The following KCTD1 variants were observed in gnomAD, a reference collection of about 807,000 sequenced individuals.
KCTD1 encodes potassium channel tetramerization domain containing 1.
Under a neutral mutation model 66.0 loss-of-function variants are expected in KCTD1, and 24 were observed. The observed-to-expected ratio is 0.36, with a 90% CI of 0.26 to 0.51. KCTD1 has a LOEUF of 0.51. Among genes scored for constraint, KCTD1 ranks in the 20% least tolerant of loss-of-function variants. KCTD1 has a pLI of 0.95. For missense variants in KCTD1, 943 were observed against 1,205.2 expected (o/e 0.78, Z 3.22); for synonymous variants, 511 against 517.2 (o/e 0.99, Z 0.16).
At chr18:26,523,757 G>A (rs896769758) in intron 1 of KCTD1, among the ~76,000 whole-genome samples, 1 of 152,240 alleles carries the variant, frequency 6.6e-6, no homozygotes, top group Admixed American at 6.5e-5. Context: ...AAAAATAGTG[G>A]TGGGGAGCCT....
Position 26,545,687 on chromosome 18 carries a change from T to C in KCTD1, c.1809+1041A>G, listed in dbSNP as rs529897103. 3.3e-5 allele frequency: 5 copies of C among 151,966 alleles called. No homozygotes were observed. In the East Asian group the frequency reaches 9.7e-4, roughly 29 times the overall value. 9.4% of individuals were successfully genotyped at this position (151,966 alleles called of 1,614,324 possible). A position where few individuals can be genotyped will look rare whatever the true frequency, so the allele number is the denominator to read the frequency against. Reference sequence around the variant, plus strand: ...CCTGCCTGCAGAATAGAACACAGTGTCCAAAGACCCCTGGTTTCTGACTCC... The same window carrying C: ...CCTGCCTGCAGAATAGAACACAGTGCCCAAAGACCCCTGGTTTCTGACTCC... On this transcript the variant is annotated intron_variant, in intron 1 of 4. Coordinates refer to ENST00000580059, the MANE Select transcript of KCTD1 (RefSeq NM_001142730.3).
At chr18:26,632,391 AT>A (rs1987640407), upstream of KCTD1, among the ~76,000 whole-genome samples, 1 of 152,246 alleles carries the variant, frequency 6.6e-6, no homozygotes, top group African/African-American at 2.4e-5. Context: ...ATCTTAAAAA[AT>A]AATAATAAAA....
chr18:26,582,030 C>T (rs948773781), intron 1 of KCTD1, among the ~76,000 whole-genome samples: 8 of 150,572 alleles, frequency 5.3e-5, no homozygotes, highest in Non-Finnish European at 2.9e-5. Flanking sequence ...CACTTTGGAA[C>T]GCTGAGGTGG....
chr18:26,649,067 G>A (rs1446335144), intron 1 of KCTD1, among the ~76,000 whole-genome samples: 1 of 152,186 alleles, frequency 6.6e-6, no homozygotes, highest in Non-Finnish European at 1.5e-5. Context: ...AATTAACAGT[G>A]GGTCTCTATT....
intron 1 of KCTD1, among the ~76,000 whole-genome samples, chr18:26,598,958 C>G (rs530165068): frequency 3.9e-5 from 6 of 152,020 alleles, no homozygotes; most frequent in Non-Finnish European, 7.4e-5. Context: ...TTTGGACTTT[C>G]TTCATGATGT....
At chr18:26,575,377 C>G (rs1225582729) in intron 1 of KCTD1, 1 of 152,206 alleles carries the variant, frequency 6.6e-6, no homozygotes, top group Non-Finnish European at 1.5e-5. Flanking sequence ...CATGCAGCGT[C>G]TCCCAAGAAC....
intron 2 of KCTD1, among the ~76,000 whole-genome samples, chr18:26,481,721 A>T (rs1050027370): frequency 6.6e-6 from 1 of 152,154 alleles, no homozygotes; most frequent in African/African-American, 2.4e-5. Context: ...TGACTACATC[A>T]TTTGCATAAT....
chr18:26,593,540 GGAAGAAGAC>G (rs1986678859), intron 1 of KCTD1, among the ~76,000 whole-genome samples: 1 of 87,348 alleles, frequency 1.1e-5, no homozygotes, highest in Admixed American at 1.2e-4. Flanking sequence ...AGAAGGAGGA[GGAAGAAGAC>G]GAGGAGGAGG....
chr18:26,497,069 A>C (rs1017888087), intron 2 of KCTD1, among the ~76,000 whole-genome samples: 2 of 152,194 alleles, frequency 1.3e-5, no homozygotes, highest in African/African-American at 4.8e-5. Context: ...TTTTGGGGAC[A>C]AAGTTCTAAG....
chr18:26,513,925 C>T (rs183364580), intron 1 of KCTD1, among the ~76,000 whole-genome samples: 25 of 152,316 alleles, frequency 1.6e-4, no homozygotes, highest in East Asian at 1.3e-3. Context: ...TCTAGCTGAT[C>T]GGGAAGATTA....
intron 1 of KCTD1, among the ~76,000 whole-genome samples, chr18:26,540,341 C>T (rs561974629): frequency 4.6e-5 from 7 of 152,342 alleles, no homozygotes; most frequent in Admixed American, 3.3e-4. Flanking sequence ...CCAGCCTCTT[C>T]GGGCAGCACG....
chr18:26,562,591 T>C (rs1329614660), intron 1 of KCTD1, among the ~76,000 whole-genome samples: 1 of 152,228 alleles, frequency 6.6e-6, no homozygotes, highest in East Asian at 1.9e-4. Flanking sequence ...CCATCTATTA[T>C]GTCTTCATCC....
intron 1 of KCTD1, among the ~76,000 whole-genome samples, chr18:26,557,038 A>G (rs1280085478): frequency 6.6e-6 from 1 of 152,224 alleles, no homozygotes; most frequent in African/African-American, 2.4e-5. Flanking sequence ...GGGTCTCTCC[A>G]GGAACTCCCT....
At chr18:26,527,363 C>G (rs1163540157) in intron 1 of KCTD1, among the ~76,000 whole-genome samples, 1 of 151,774 alleles carries the variant, frequency 6.6e-6, no homozygotes, top group Admixed American at 6.6e-5. Flanking sequence ...ATGTCAGTGA[C>G]TGAATTTTTC....
At chr18:26,595,913 T>G (rs900303158) in intron 1 of KCTD1, among the ~76,000 whole-genome samples, 9 of 152,122 alleles carry the variant, frequency 5.9e-5, no homozygotes, top group African/African-American at 2.2e-4. Context: ...GGTGTGGTAG[T>G]GTGCCCCTGT....
chr18:26,620,942 C>T (rs372148025), intron 1 of KCTD1, among the ~76,000 whole-genome samples: 1 of 151,486 alleles, frequency 6.6e-6, no homozygotes, highest in African/African-American at 2.4e-5. Flanking sequence ...ACGCCATTCT[C>T]CTGCCTCAGC....
At chr18:26,605,828 G>T (rs746382435) in intron 1 of KCTD1, among the ~76,000 whole-genome samples, 3 of 151,322 alleles carry the variant, frequency 2.0e-5, no homozygotes, top group Admixed American at 6.6e-5. Context: ...CCTTCTCTTT[G>T]CAGTGTGACT....
chr18:26,607,021 C>G (rs1391844941), intron 1 of KCTD1, among the ~76,000 whole-genome samples: 2 of 152,118 alleles, frequency 1.3e-5, no homozygotes, highest in Non-Finnish European at 2.9e-5. Flanking sequence ...CTGGGCAGAT[C>G]TAGCTGCTTT....
At chr18:26,600,630 T>A (rs1986872245) in intron 1 of KCTD1, among the ~76,000 whole-genome samples, 1 of 152,088 alleles carries the variant, frequency 6.6e-6, no homozygotes, top group African/African-American at 2.4e-5. Context: ...CTTCTTCTGA[T>A]GTTAAAATGC....
Sources: gnomAD v4.1 joint callset for allele counts (sites outside exome capture counted in the v4.1 genomes callset) on GRCh38, gnomAD v4.1.1 for gene constraint, MANE v1.5 for transcripts, NCBI Gene and HGNC (gene_info 2026-07-23, HGNC 2026-07-21) for gene names.